The following THSD7B variants were observed in gnomAD, a reference collection of about 807,000 sequenced individuals.
THSD7B encodes the protein thrombospondin type 1 domain containing 7B.
THSD7B carries 138 observed loss-of-function variants against 213.6 expected under a neutral mutation model. The ratio of observed to expected loss-of-function variants is 0.65; its 90% confidence interval spans 0.56 to 0.74. The LOEUF (loss-of-function observed/expected upper bound fraction) is 0.74, where lower values mean the gene tolerates loss of function less well. THSD7B is among the 30% of genes least tolerant of loss of function. The pLI is 0.00. For missense variants in THSD7B, 1,931 were observed against 1,991.5 expected (o/e 0.97, Z 0.58); for synonymous variants, 742 against 687.0 (o/e 1.08, Z -1.25).
At chr2:137,267,720 A>G (rs115952856) in intron 10 of THSD7B, among the ~76,000 whole-genome samples, 3,175 of 152,316 alleles carry the variant, frequency 0.021, 108 homozygotes, top group African/African-American at 0.072. Context: ...TAATAAAATA[A>G]GGTAGCATAT....
At chr2:137,612,776 T>G (rs548904108) in intron 17 of THSD7B, among the ~76,000 whole-genome samples, 1 of 152,252 alleles carries the variant, frequency 6.6e-6, no homozygotes, top group East Asian at 1.9e-4. Context: ...TCAAATCTCA[T>G]AATGAAAATA....
chr2:137,498,149 A>G (rs971759775), intron 15 of THSD7B, among the ~76,000 whole-genome samples: 3 of 152,214 alleles, frequency 2.0e-5, no homozygotes, highest in African/African-American at 4.8e-5. Context: ...TCTGTTAAAT[A>G]TGTTCAGATA....
chr2:136,987,961 A>G lies in THSD7B; in HGVS notation c.140-68459A>G, dbSNP rs192398378. 1.2e-3 allele frequency among the ~76,000 whole-genome samples: 184 copies of G among 152,330 alleles called. 1 individual carries two copies. Among genetic ancestry groups the G allele is most frequent in the Middle Eastern group, 6.8e-3 (2 of 294 alleles). On this transcript the variant is annotated intron_variant, in intron 2 of 27. Transcript: ENST00000409968. ...TCCCCTTGAAACTGAAGGTCAGGGA[A>G]AATCAGCTGATGAAGTCCAAATGTT...
intron 19 of THSD7B, among the ~76,000 whole-genome samples, chr2:137,619,180 A>T (rs1295593751): frequency 6.6e-6 from 1 of 152,234 alleles, no homozygotes; most frequent in Non-Finnish European, 1.5e-5. Context: ...AGAAGTAAAG[A>T]TACTATCACA....
chr2:136,793,893 G>C (rs1682012935), intron 1 of THSD7B, among the ~76,000 whole-genome samples: 1 of 151,614 alleles, frequency 6.6e-6, no homozygotes. Context: ...CATTTGTAAA[G>C]CCTTCTGGGC....
intron 2 of THSD7B, among the ~76,000 whole-genome samples, chr2:136,934,886 A>C (rs1462842396): frequency 6.6e-6 from 1 of 152,196 alleles, no homozygotes; most frequent in East Asian, 1.9e-4. Flanking sequence ...CAAAAGTGCT[A>C]AATCATTTGT....
intron 2 of THSD7B, among the ~76,000 whole-genome samples, chr2:136,956,963 C>T (rs1468384566): frequency 1.3e-5 from 2 of 152,130 alleles, no homozygotes; most frequent in African/African-American, 4.8e-5. Flanking sequence ...CAGGCATGAG[C>T]CACCGTGTCC....
At chr2:137,034,626 C>G (rs1466732985) in intron 2 of THSD7B, among the ~76,000 whole-genome samples, 1 of 152,076 alleles carries the variant, frequency 6.6e-6, no homozygotes, top group Non-Finnish European at 1.5e-5. Flanking sequence ...TGATGTTCCC[C>G]TCCTTGTGTG....
intron 10 of THSD7B, among the ~76,000 whole-genome samples, chr2:137,255,143 A>G (rs1163804268): frequency 2.0e-5 from 3 of 152,162 alleles, no homozygotes; most frequent in Non-Finnish European, 4.4e-5. Flanking sequence ...TTCCCAAACT[A>G]TCTTTCCTTC....
rs567405747 is a variant in THSD7B, at chr2:137,484,017, T to A, written c.3138+32994T>A. ...CATGCTCGGTTTGAGGTTTCTTTTT[T>A]TTTTATTTTATTATTATTATACTTT... On this transcript the variant is annotated intron_variant, in intron 15 of 27. Transcript: ENST00000409968. Among the ~76,000 whole-genome samples the A allele has an allele frequency of 7.4e-5, 11 of 149,538 alleles. 1 individual carries two copies. The highest frequency in any genetic ancestry group is 3.9e-4 in the East Asian group (2 of 5,140).
At chr2:137,337,693 A>T (rs1272271372) in intron 12 of THSD7B, among the ~76,000 whole-genome samples, 2 of 152,058 alleles carry the variant, frequency 1.3e-5, no homozygotes, top group Admixed American at 6.6e-5. Flanking sequence ...CCAAATAGTG[A>T]TTATCTAGTT....
intron 10 of THSD7B, among the ~76,000 whole-genome samples, chr2:137,246,636 T>G (rs1573909876): frequency 6.6e-6 from 1 of 152,292 alleles, no homozygotes; most frequent in Non-Finnish European, 1.5e-5. Context: ...AGTCTCTCCT[T>G]AAAGGATCAA....
chr2:137,177,451 G>A (rs147483672), intron 7 of THSD7B, among the ~76,000 whole-genome samples: 10 of 152,256 alleles, frequency 6.6e-5, no homozygotes, highest in Admixed American at 1.3e-4. Context: ...CTGAAATGTT[G>A]GAGAGACATG....
At chr2:137,324,448 CAAA>C (rs1684324745) in intron 12 of THSD7B, among the ~76,000 whole-genome samples, 2 of 143,926 alleles carry the variant, frequency 1.4e-5, no homozygotes, top group South Asian at 4.6e-4. Context: ...TTCATTCAAT[CAAA>C]AATTTCTGTG....
chr2:137,212,864 G>T (rs1681148735), intron 7 of THSD7B, among the ~76,000 whole-genome samples: 1 of 151,902 alleles, frequency 6.6e-6, no homozygotes, highest in Non-Finnish European at 1.5e-5. Flanking sequence ...ACCACAAATG[G>T]TGTAAAATTA....
intron 3 of THSD7B, among the ~76,000 whole-genome samples, chr2:137,060,399 C>CTTT (rs34446833): frequency 2.7e-4 from 40 of 146,624 alleles, no homozygotes; most frequent in East Asian, 7.9e-4. Context: ...TTTCAAGGAT[C>CTTT]TTTTTTTTTT....
chr2:137,141,351 G>C (rs984724887), intron 5 of THSD7B, among the ~76,000 whole-genome samples: 3 of 152,056 alleles, frequency 2.0e-5, no homozygotes, highest in African/African-American at 7.2e-5. Flanking sequence ...AGACCAATCA[G>C]AAAAAATAGA....
intron 3 of THSD7B, among the ~76,000 whole-genome samples, chr2:137,072,567 C>A (rs555170550): frequency 1.3e-4 from 20 of 152,250 alleles, no homozygotes; most frequent in Admixed American, 1.2e-3. Context: ...AATTTGACTT[C>A]CTCTTTTCCT....
chr2:136,802,260 A>G (rs1431733471), intron 1 of THSD7B, among the ~76,000 whole-genome samples: 1 of 152,104 alleles, frequency 6.6e-6, no homozygotes, highest in Non-Finnish European at 1.5e-5. Context: ...GAAAGTGAGA[A>G]TAGCAGAGAC....
Sources: gnomAD v4.1 joint callset for allele counts (sites outside exome capture counted in the v4.1 genomes callset) on GRCh38, gnomAD v4.1.1 for gene constraint, MANE v1.5 for transcripts, NCBI Gene and HGNC (gene_info 2026-07-23, HGNC 2026-07-21) for gene names.